The following MKRN1 variants were observed in gnomAD, a reference collection of about 807,000 sequenced individuals.
MKRN1 encodes makorin ring finger protein 1, also known as E3 ubiquitin-protein ligase makorin-1.
A neutral mutation model predicts 55.5 loss-of-function variants in MKRN1; 9 were observed. The observed-to-expected ratio is 0.16, with a 90% CI of 0.10 to 0.28. MKRN1 has a LOEUF of 0.28. MKRN1 is among the 10% of genes least tolerant of loss of function. The pLI is 1.00. For missense variants in MKRN1, 488 were observed against 626.7 expected (o/e 0.78, Z 2.36); for synonymous variants, 253 against 235.9 (o/e 1.07, Z -0.66).
intron 1 of MKRN1, among the ~76,000 whole-genome samples, chr7:140,474,064 A>AGAAT (rs1262307670): frequency 4.8e-5 from 7 of 145,166 alleles, no homozygotes; most frequent in South Asian, 2.3e-4. Context: ...AAAGAAAGAA[A>AGAAT]GAATAAAAGA....
At chr7:140,474,219 C>T (rs2130361013) in intron 1 of MKRN1, among the ~76,000 whole-genome samples, 1 of 151,144 alleles carries the variant, frequency 6.6e-6, no homozygotes, top group East Asian at 2.0e-4. Context: ...AAAATTAGGC[C>T]AGGTGCGGTG....
At chr7:140,474,916 G>A (rs1795075908) in intron 1 of MKRN1, among the ~76,000 whole-genome samples, 2 of 151,422 alleles carry the variant, frequency 1.3e-5, no homozygotes, top group Non-Finnish European at 1.5e-5. Context: ...AACGGGTTTC[G>A]TCATGTTGGC....
At chr7:140,474,910 G>C (rs1382349527) in intron 1 of MKRN1, among the ~76,000 whole-genome samples, 1 of 151,578 alleles carries the variant, frequency 6.6e-6, no homozygotes, top group Non-Finnish European at 1.5e-5. Flanking sequence ...GTAGAGAACG[G>C]GTTTCGTCAT....
rs2130258677 is a variant in MKRN1, at chr7:140,458,856, G to A, written c.771+151C>T. The A allele has an allele frequency of 5.3e-6, 4 of 760,966 alleles. No individual in the cohort carries two copies. The East Asian group carries it at 1.1e-4, about 21-fold the overall frequency. The allele number at this position is 760,966 out of a possible 1,614,324, so 47.1% of individuals were successfully genotyped here. ...ACTGGAAATATGACTTCTTGATAAAGCATCCAAGAAGCCCAAGAAAGGAAA... is the reference window on the plus strand; with the variant it reads ...ACTGGAAATATGACTTCTTGATAAAACATCCAAGAAGCCCAAGAAAGGAAA... On this transcript the variant is annotated intron_variant, in intron 4 of 7. Coordinates refer to ENST00000255977, the MANE Select transcript of MKRN1 (RefSeq NM_013446.4).
chr7:140,479,192 G>C lies in MKRN1; in HGVS notation c.153C>G (p.Ser51Arg). The C allele has an allele frequency of 1.4e-6, 2 of 1,461,376 alleles. No individual in the cohort carries two copies. Among genetic ancestry groups the C allele is most frequent in the Non-Finnish European group, 1.8e-6 (2 of 1,107,758 alleles). 90.5% of individuals were successfully genotyped at this position (1,461,376 alleles called of 1,614,324 possible). The change falls in exon 1 of 8, where the codon AGC becomes AGG. Residue 51 changes from serine to arginine, a missense_variant. Physicochemically the swap from Ser to Arg is moderately radical, Grantham distance 110 (BLOSUM62 -1). Transcript: ENST00000255977. ...AGGGGGGSDGSGGGWTKQVTC... is the reference protein window; with the variant it reads ...AGGGGGGSDGRGGGWTKQVTC... ...TGACCTGTTTAGTCCAGCCGCCGCC[G>C]CTGCCGTCGCTGCCGCCGCCCCCTC...
Position 140,456,020 on chromosome 7 carries a change from T to G in MKRN1, c.987-120A>C. ...CTTAACTGAAAGGCACGTGGGCATT[T>G]CCTGAAAGGGTTCCACATACTGTCA... On this transcript the variant is annotated intron_variant, in intron 5 of 7. Transcript: ENST00000255977. The G allele has an allele frequency of 5.7e-6, 6 of 1,047,004 alleles. No individual in the cohort carries two copies. In the South Asian group the frequency reaches 9.0e-5, roughly 16 times the overall value. 64.9% of individuals were successfully genotyped at this position (1,047,004 alleles called of 1,614,324 possible). A position where few individuals can be genotyped will look rare whatever the true frequency, so the allele number is the denominator to read the frequency against.
intron 1 of MKRN1, chr7:140,475,234 T>TGGCACGTG: frequency 2.3e-6 from 1 of 441,006 alleles, no homozygotes; most frequent in Non-Finnish European, 4.5e-6. Flanking sequence ...TCCCAGCTTC[T>TGGCACGTG]CGGAAGGCTG....
In MKRN1 at chr7:140,455,989, T is replaced by TA. The variant is rs879071436; in HGVS notation, c.987-90dup. ...CACCCTGGTGTGTCGCCTCCAGACT[T>TA]AAAGACTTAACTGAAAGGCACGTGG... On this transcript the variant is annotated intron_variant, in intron 5 of 7. Transcript: ENST00000255977. 2.3e-5 allele frequency: 28 copies of TA among 1,224,280 alleles called. No homozygotes were observed. The South Asian group carries it at 3.0e-4, about 13-fold the overall frequency. The allele number at this position is 1,224,280 out of a possible 1,614,324, so 75.8% of individuals were successfully genotyped here.
At chr7:140,460,770 C>A (rs1286552256) in intron 2 of MKRN1, among the ~76,000 whole-genome samples, 1 of 152,110 alleles carries the variant, frequency 6.6e-6, no homozygotes, top group African/African-American at 2.4e-5. Flanking sequence ...CTGGGGGTCA[C>A]CAAAGTTTAA....
intron 2 of MKRN1, among the ~76,000 whole-genome samples, chr7:140,470,779 T>C (rs1363203686): frequency 6.6e-6 from 1 of 151,782 alleles, no homozygotes; most frequent in African/African-American, 2.4e-5. Flanking sequence ...TAGCCGGGCA[T>C]AGTGGCACGC....
At chr7:140,472,271 C>A (rs1019035562) in intron 1 of MKRN1, 6 of 389,782 alleles carry the variant, frequency 1.5e-5, no homozygotes, top group African/African-American at 1.2e-4. Flanking sequence ...CCCGTCTCTA[C>A]TAAAAATACA....
rs747860651 is a variant in MKRN1, at chr7:140,471,875, A to C, written c.314+8T>G. 1.2e-6 allele frequency: 2 copies of C among 1,611,498 alleles called. No individual in the cohort carries two copies. The highest frequency in any genetic ancestry group is 2.2e-5 in the South Asian group (2 of 90,402). ...CACCCCTGAACAAATTTATAAACAA[A>C]TTCTTACCTGCAGCGGTCTCCATAA... On this transcript the variant is annotated splice_region_variant and intron_variant, in intron 2 of 7. Coordinates refer to ENST00000255977, the MANE Select transcript of MKRN1 (RefSeq NM_013446.4).
chr7:140,473,096 CAAAAAG>C lies in MKRN1; in HGVS notation c.186-1091_186-1086del, dbSNP rs559356136. ...CCTGGACAACAGAGAGACTCCATCT[CAAAAAG>C]AAAAAGAAAAAGAAAAAGAAAAAAA... is the stretch of plus-strand genomic sequence containing the variant. On this transcript the variant is annotated intron_variant, in intron 1 of 7. Coordinates refer to ENST00000255977, the MANE Select transcript of MKRN1 (RefSeq NM_013446.4). 3.3e-3 allele frequency: 1,091 copies of C among 331,164 alleles called. 2 individuals are homozygous for C. The highest frequency in any genetic ancestry group is 0.013 in the African/African-American group (555 of 42,586). The allele number at this position is 331,164 out of a possible 1,614,324, so 20.5% of individuals were successfully genotyped here.
At chr7:140,473,175 A>C (rs1794985529) in intron 1 of MKRN1, 3 of 415,642 alleles carry the variant, frequency 7.2e-6, no homozygotes, top group African/African-American at 6.4e-5. Context: ...AAACCAATGA[A>C]TATAAGTATA....
At chr7:140,462,179 C>T (rs1337589469) in intron 2 of MKRN1, among the ~76,000 whole-genome samples, 1 of 151,842 alleles carries the variant, frequency 6.6e-6, no homozygotes, top group Non-Finnish European at 1.5e-5. Flanking sequence ...AGGTGTGTGC[C>T]ACAATGCTGG....
chr7:140,459,742 A>G lies in MKRN1; in HGVS notation c.509T>C (p.Ile170Thr). The change falls in exon 3 of 8, where the codon ATT becomes ACT. Residue 170 changes from isoleucine (I) to threonine (T), a missense_variant. Ile to Thr is a moderately conservative substitution (Grantham distance 89). Coordinates refer to ENST00000255977, the MANE Select transcript of MKRN1 (RefSeq NM_013446.4). ...GAGSEDWVNA[I>T]EFVPGQPYCG... ...GTAGGGTTGCCCAGGAACAAACTCA[A>G]TAGCATTCACCCAGTCCTCTGAACC... The G allele has an allele frequency of 6.2e-7, 1 of 1,613,952 alleles. No individual in the cohort carries two copies. The highest frequency in any genetic ancestry group is 8.5e-7 in the Non-Finnish European group (1 of 1,179,854).
Position 140,459,372 on chromosome 7 carries a change from TGAAA to T in MKRN1, c.545-143_545-140del, listed in dbSNP as rs1019143269. 6 of 884,742 alleles carry T rather than the reference TGAAA, an allele frequency of 6.8e-6. No homozygotes were observed. In the Admixed American group the frequency reaches 1.5e-4, roughly 22 times the overall value. The allele number at this position is 884,742 out of a possible 1,614,324, so 54.8% of individuals were successfully genotyped here. A position where few individuals can be genotyped will look rare whatever the true frequency, so the allele number is the denominator to read the frequency against. On this transcript the variant is annotated intron_variant, in intron 3 of 7. Coordinates refer to ENST00000255977, the MANE Select transcript of MKRN1 (RefSeq NM_013446.4). The stretch of plus-strand genomic sequence containing the variant: ...AGTCTACTGAACTAACTTCTTCACT[TGAAA>T]GAAAGGAATTTTTTCTACCGCTGTT...
intron 2 of MKRN1, chr7:140,460,313 T>A (rs1323917730): frequency 1.1e-5 from 1 of 92,816 alleles, no homozygotes; most frequent in Admixed American, 8.9e-5. Flanking sequence ...TTCTTTTCTT[T>A]TTTTTTTTTT....
chr7:140,470,375 A>C (rs912969687), intron 2 of MKRN1, among the ~76,000 whole-genome samples: 1 of 152,088 alleles, frequency 6.6e-6, no homozygotes, highest in African/African-American at 2.4e-5. Flanking sequence ...ACCTGAGGTC[A>C]GGAGTTCGAG....
Sources: gnomAD v4.1 joint callset for allele counts (sites outside exome capture counted in the v4.1 genomes callset) on GRCh38, gnomAD v4.1.1 for gene constraint, MANE v1.5 for transcripts, NCBI Gene and HGNC (gene_info 2026-07-23, HGNC 2026-07-21) for gene names.